The following CLIP1 variants were observed in gnomAD, a reference collection of about 807,000 sequenced individuals.
The protein encoded by CLIP1 is CAP-Gly domain containing linker protein 1.
Under a neutral mutation model 161.6 loss-of-function variants are expected in CLIP1, and 66 were observed. The observed-to-expected ratio is 0.41, with a 90% CI of 0.33 to 0.50. The LOEUF (loss-of-function observed/expected upper bound fraction) is 0.50, where lower values mean the gene tolerates loss of function less well. CLIP1 is among the 20% of genes least tolerant of loss of function. CLIP1 has a pLI of 0.27. For synonymous variants in CLIP1, 598 were observed against 626.2 expected, an observed-to-expected ratio of 0.96 and a Z score of 0.67; for missense variants, 1,376 against 1,702.0, an observed-to-expected ratio of 0.81 and a Z score of 3.37.
At chr12:122,390,279 C>CACAT (rs1555280644) in intron 1 of CLIP1, among the ~76,000 whole-genome samples, 8 of 79,016 alleles carry the variant, frequency 1.0e-4, no homozygotes, top group Admixed American at 6.3e-4. Context: ...TATATATATA[C>CACAT]ATATATATAT....
intron 20 of CLIP1, among the ~76,000 whole-genome samples, chr12:122,309,037 CTCT>C (rs1950975929): frequency 6.6e-6 from 1 of 152,200 alleles, no homozygotes; most frequent in African/African-American, 2.4e-5. Flanking sequence ...TAAGCTGCTG[CTCT>C]GAAGTCAGAT....
intron 1 of CLIP1, among the ~76,000 whole-genome samples, chr12:122,384,185 G>A (rs1955134155): frequency 6.6e-6 from 1 of 152,174 alleles, no homozygotes; most frequent in African/African-American, 2.4e-5. Flanking sequence ...CAGTGGCACA[G>A]ATGCGAACAC....
At chr12:122,413,091 T>C (rs1956601294) in intron 1 of CLIP1, among the ~76,000 whole-genome samples, 1 of 152,168 alleles carries the variant, frequency 6.6e-6, no homozygotes, top group Non-Finnish European at 1.5e-5. Flanking sequence ...ATTTACGGTC[T>C]AGAAAGGAAA....
At chr12:122,395,705 C>A (rs572800361) in intron 1 of CLIP1, 2 of 152,322 alleles carry the variant, frequency 1.3e-5, no homozygotes, top group African/African-American at 4.8e-5. Flanking sequence ...TAGCTGAACA[C>A]CAGTCATGTA....
intron 11 of CLIP1, among the ~76,000 whole-genome samples, chr12:122,338,647 G>A (rs1260511635): frequency 6.6e-6 from 1 of 152,080 alleles, no homozygotes; most frequent in Non-Finnish European, 1.5e-5. Context: ...AACCTGGGAG[G>A]TGGAGGTTGC....
At chr12:122,412,586 C>T (rs963508552) in intron 1 of CLIP1, among the ~76,000 whole-genome samples, 11 of 151,548 alleles carry the variant, frequency 7.3e-5, no homozygotes, top group African/African-American at 2.7e-4. Flanking sequence ...ACTCGGTAGG[C>T]GGAGGTTGCA....
At position 122,411,562 on chromosome 12, in the gene CLIP1, A is replaced by G. The variant is rs80030883; in HGVS notation, c.-107+10959T>C. Among the ~76,000 whole-genome samples, 683 of 152,334 alleles carry G rather than the reference A, an allele frequency of 4.5e-3. 20 individuals are homozygous for G. Among genetic ancestry groups the G allele is most frequent in the Admixed American group, 0.035 (542 of 15,288 alleles). ...TATCTACACAACAGAATATTACTCA[A>G]CCATAAAAAGGAATCAAGGGCAGAT... On this transcript the variant is annotated intron_variant, in intron 1 of 25. Coordinates refer to ENST00000620786, the MANE Select transcript of CLIP1 (RefSeq NM_001247997.2).
At chr12:122,289,675 T>C (rs527443080) in intron 20 of CLIP1, among the ~76,000 whole-genome samples, 2 of 152,194 alleles carry the variant, frequency 1.3e-5, no homozygotes, top group Non-Finnish European at 2.9e-5. Context: ...CAGTGGTTCT[T>C]TATTATCTCA....
intron 3 of CLIP1, among the ~76,000 whole-genome samples, chr12:122,365,894 C>CA (rs1426064489): frequency 6.6e-6 from 1 of 152,082 alleles, no homozygotes; most frequent in Admixed American, 6.6e-5. Flanking sequence ...CCTGTGGTCC[C>CA]ACTCCTCAGG....
intron 20 of CLIP1, among the ~76,000 whole-genome samples, chr12:122,294,755 T>C (rs559006041): frequency 1.3e-5 from 2 of 148,968 alleles, no homozygotes; most frequent in East Asian, 4.0e-4. Context: ...AATAATAAAA[T>C]AGATAAAAAT....
intron 3 of CLIP1, chr12:122,365,408 A>T: frequency 1.2e-6 from 1 of 808,972 alleles, no homozygotes; most frequent in Non-Finnish European, 2.2e-6. Flanking sequence ...GATTCTTGCC[A>T]AGAGAAATAA....
At chr12:122,418,963 T>C (rs1418267360) in intron 1 of CLIP1, among the ~76,000 whole-genome samples, 2 of 152,188 alleles carry the variant, frequency 1.3e-5, no homozygotes, top group Non-Finnish European at 2.9e-5. Context: ...TCTCTTGTAA[T>C]GTTAACAAAT....
intron 1 of CLIP1, among the ~76,000 whole-genome samples, chr12:122,398,961 C>A (rs1049695588): frequency 1.6e-3 from 151 of 94,614 alleles, no homozygotes; most frequent in African/African-American, 4.3e-3. Context: ...AAAAAAAAAA[C>A]CTTAAGCAAT....
In CLIP1 at chr12:122,377,516, T is replaced by C. The variant is rs746813209; in HGVS notation, c.530A>G (p.Lys177Arg). The change falls in exon 3 of 26, where the codon AAG (lysine) becomes AGG (arginine). Residue 177 changes from lysine (K) to arginine (R), a missense_variant. This residue lies in a region of CLIP1 where 119 missense variants were observed against 112.0 expected (regional missense o/e 1.06). Transcript: ENST00000620786. ...IPQKPSQPAA[K>R]EPSATPPISN... ...GATCGGAGGCGTAGCTGAAGGTTCCTTTGCTGCTGGCTGTGATGGTTTCTG... is the reference window on the plus strand; with the variant it reads ...GATCGGAGGCGTAGCTGAAGGTTCCCTTGCTGCTGGCTGTGATGGTTTCTG... 3.1e-6 allele frequency: 5 copies of C among 1,613,936 alleles called. No homozygotes were observed. The East Asian group carries it at 1.1e-4, about 36-fold the overall frequency.
At chr12:122,309,608 G>C (rs1950994029) in intron 20 of CLIP1, among the ~76,000 whole-genome samples, 154 bp downstream of exon 20, 1 of 152,124 alleles carries the variant, frequency 6.6e-6, no homozygotes, top group African/African-American at 2.4e-5. Flanking sequence ...CAGCACGTTT[G>C]AAAACAAGGA....
At chr12:122,361,803 C>A (rs1953833667) in intron 4 of CLIP1, among the ~76,000 whole-genome samples, 1 of 152,112 alleles carries the variant, frequency 6.6e-6, no homozygotes, top group Non-Finnish European at 1.5e-5. Context: ...TGTAGTCCAG[C>A]CTGGGTGACG....
chr12:122,355,101 G>C lies in CLIP1; in HGVS notation c.1203+14C>G. ...GAAACCATCACCATCTCCGCAACAA[G>C]GTCCAGACTTCACCTGGTCATGTCC... On this transcript the variant is annotated intron_variant, in intron 6 of 25. Transcript: ENST00000620786. The surrounding 1 kb of genome is among the most constrained non-coding windows in gnomAD (Gnocchi z 4.1). 2 of 1,611,802 alleles carry C rather than the reference G, an allele frequency of 1.2e-6. No individual in the cohort carries two copies. The highest frequency in any genetic ancestry group is 2.2e-5 in the South Asian group (2 of 90,916).
chr12:122,286,520 T>TAAAAAAAA (rs57260606), intron 21 of CLIP1, among the ~76,000 whole-genome samples: 1 of 28,256 alleles, frequency 3.5e-5, no homozygotes. Flanking sequence ...GACTCTGTCT[T>TAAAAAAAA]AAAAAAAAAA....
chr12:122,388,276 G>A (rs868123716), intron 1 of CLIP1, among the ~76,000 whole-genome samples: 23 of 151,378 alleles, frequency 1.5e-4, no homozygotes, highest in South Asian at 1.2e-3. Flanking sequence ...CTGGAGCGCA[G>A]TGGCGCGATC....
Sources: gnomAD v4.1 joint callset for allele counts (sites outside exome capture counted in the v4.1 genomes callset) on GRCh38, gnomAD v4.1.1 for gene constraint, gnomAD v4.1.1 regional missense constraint, Gnocchi (gnomAD v3.1) non-coding constraint, MANE v1.5 for transcripts, NCBI Gene and HGNC (gene_info 2026-07-23, HGNC 2026-07-21) for gene names.